The following FHOD3 variants were observed in gnomAD, a reference collection of about 807,000 sequenced individuals.
FHOD3 encodes formin homology 2 domain containing 3, also known as FH1/FH2 domain-containing protein 3.
A neutral mutation model predicts 173.0 loss-of-function variants in FHOD3; 90 were observed. That is an observed-to-expected ratio of 0.52 (90% CI 0.44 to 0.62). The LOEUF (loss-of-function observed/expected upper bound fraction) is 0.62. Ranked by LOEUF, FHOD3 falls within the 20% of genes least tolerant of loss-of-function variation. The pLI, the probability that FHOD3 is intolerant of heterozygous loss-of-function variation, is 0.00. For missense variants in FHOD3, 1,945 were observed against 2,034.7 expected, an observed-to-expected ratio of 0.96 and a Z score of 0.85; for synonymous variants, 828 against 823.0, an observed-to-expected ratio of 1.01 and a Z score of -0.10.
At position 36,728,365 on chromosome 18, in the gene FHOD3, A is replaced by T. The variant is rs945062280; in HGVS notation, c.3418-2281A>T. Among the ~76,000 whole-genome samples the T allele has an allele frequency of 3.9e-5, 6 of 152,180 alleles. No homozygotes were observed. The East Asian group carries it at 1.2e-3, about 29-fold the overall frequency. On this transcript the variant is annotated intron_variant, in intron 19 of 28. Transcript: ENST00000590592. ...TCATTCCTTTAGCATTCCACACACA[A>T]CATAAAATTAGATTTAAAAGTTAAA...
intron 2 of FHOD3, among the ~76,000 whole-genome samples, chr18:36,363,579 C>T (rs61341157): frequency 5.9e-5 from 9 of 151,934 alleles, no homozygotes; most frequent in African/African-American, 1.2e-4. Flanking sequence ...TATGACATTC[C>T]GAGAAAGGCA....
chr18:36,318,136 A>G (rs2044219693), intron 1 of FHOD3, among the ~76,000 whole-genome samples: 1 of 151,070 alleles, frequency 6.6e-6, no homozygotes, highest in Non-Finnish European at 1.5e-5. Context: ...GCCTTGTAGT[A>G]TAGTTTGAAG....
At chr18:36,419,480 A>G (rs1350704283) in intron 3 of FHOD3, among the ~76,000 whole-genome samples, 1 of 152,180 alleles carries the variant, frequency 6.6e-6, no homozygotes, top group African/African-American at 2.4e-5. Context: ...TTTAAATAAA[A>G]AGGCAGATGC....
chr18:36,569,445 A>G (rs1375075712), intron 5 of FHOD3, among the ~76,000 whole-genome samples: 1 of 152,188 alleles, frequency 6.6e-6, no homozygotes, highest in Admixed American at 6.5e-5. Flanking sequence ...TCATAAAGCA[A>G]AAACAGAACT....
intron 1 of FHOD3, among the ~76,000 whole-genome samples, chr18:36,335,358 G>A (rs911212700): frequency 5.3e-5 from 8 of 151,764 alleles, no homozygotes; most frequent in African/African-American, 1.7e-4. Context: ...AGCCGGGCGT[G>A]GTAGCGGGCG....
intron 3 of FHOD3, among the ~76,000 whole-genome samples, chr18:36,490,605 A>G (rs1040469610): frequency 3.9e-5 from 6 of 152,188 alleles, no homozygotes; most frequent in Non-Finnish European, 7.3e-5. Context: ...GCCTCCTGCA[A>G]TAAGTGGGGA....
At chr18:36,747,209 C>A (rs2042192610) in intron 24 of FHOD3, 74 bp downstream of exon 24, 2 of 1,227,676 alleles carry the variant, frequency 1.6e-6, no homozygotes, top group South Asian at 1.7e-5. Context: ...AAATTAAGAG[C>A]CGATGGTTAA....
intron 3 of FHOD3, among the ~76,000 whole-genome samples, chr18:36,446,526 C>G (rs559048601): frequency 4.9e-4 from 74 of 152,012 alleles, no homozygotes; most frequent in Non-Finnish European, 8.2e-4. Context: ...ATCCACATGT[C>G]CCAGATTGAA....
intron 19 of FHOD3, among the ~76,000 whole-genome samples, chr18:36,723,328 G>T (rs9963193): frequency 0.016 from 2,461 of 152,264 alleles, 56 homozygotes; most frequent in African/African-American, 0.056. Context: ...CTCAGCCTTT[G>T]CTTGGGCTTA....
chr18:36,746,869 G>C, intron 23 of FHOD3, 76 bp from the exon 24 acceptor site: 1 of 1,137,004 alleles, frequency 8.8e-7, no homozygotes, highest in Non-Finnish European at 1.2e-6. Flanking sequence ...TTTCTCCCCA[G>C]AGGCAGTTTT....
At chr18:36,425,284 A>C (rs1039836069) in intron 3 of FHOD3, among the ~76,000 whole-genome samples, 1 of 152,234 alleles carries the variant, frequency 6.6e-6, no homozygotes, top group African/African-American at 2.4e-5. Context: ...TATAGTATAC[A>C]TAGTATCCAA....
At chr18:36,453,708 G>A (rs943321535) in intron 3 of FHOD3, among the ~76,000 whole-genome samples, 6 of 152,200 alleles carry the variant, frequency 3.9e-5, no homozygotes, top group African/African-American at 1.4e-4. Flanking sequence ...TTTGAATGAG[G>A]CCAGAGGCTG....
intron 1 of FHOD3, among the ~76,000 whole-genome samples, chr18:36,354,392 CCTCATTTTACAGAGGA>C (rs1322199879): frequency 2.6e-5 from 4 of 152,258 alleles, no homozygotes; most frequent in African/African-American, 9.6e-5. Flanking sequence ...TTTACAGAGT[CCTCATTTTACAGAGGA>C]CTCATTTTAC....
intron 16 of FHOD3, among the ~76,000 whole-genome samples, chr18:36,687,543 A>C (rs1397940708): frequency 1.3e-5 from 2 of 152,186 alleles, no homozygotes; most frequent in Non-Finnish European, 2.9e-5. Flanking sequence ...TTTAGTATCC[A>C]CACTGTGCCA....
intron 3 of FHOD3, among the ~76,000 whole-genome samples, chr18:36,454,694 G>A (rs1568293650): frequency 6.6e-6 from 1 of 151,288 alleles, no homozygotes; most frequent in African/African-American, 2.4e-5. Context: ...TTAACCTGGA[G>A]CCCACCCCTG....
intron 3 of FHOD3, among the ~76,000 whole-genome samples, chr18:36,440,516 G>A (rs902886459): frequency 6.6e-6 from 1 of 152,214 alleles, no homozygotes; most frequent in Non-Finnish European, 1.5e-5. Flanking sequence ...AAATGAAGGG[G>A]CTCCTCCGGG....
chr18:36,645,327 C>T (rs1047336743), intron 10 of FHOD3, among the ~76,000 whole-genome samples: 6 of 152,010 alleles, frequency 3.9e-5, no homozygotes, highest in Admixed American at 1.3e-4. Context: ...GGCTGAGGCA[C>T]GAGAATCACT....
chr18:36,678,731 G>T lies in FHOD3; in HGVS notation c.1836-2705G>T, dbSNP rs1207082766. Among the ~76,000 whole-genome samples, 3 of 151,820 alleles carry T rather than the reference G, an allele frequency of 2.0e-5. No individual in the cohort carries two copies. The East Asian group carries it at 5.8e-4, about 29-fold the overall frequency. ...TTCTGCATTTGCAGAGGTAGCCATG[G>T]TTTTTCTCCAATAAACTATTAACGT... On this transcript the variant is annotated intron_variant, in intron 14 of 28. Coordinates refer to ENST00000590592, the MANE Select transcript of FHOD3 (RefSeq NM_001281740.3).
Position 36,333,544 on chromosome 18 carries a change from A to G in FHOD3, c.166-21995A>G, listed in dbSNP as rs770180006. The stretch of plus-strand genomic sequence containing the variant: ...GGATCTAACGTGAGCTGTCATGGCC[A>G]TTTCCAGATGTGAACAGTCCACCAC... On this transcript the variant is annotated intron_variant, in intron 1 of 28. Coordinates refer to ENST00000590592, the MANE Select transcript of FHOD3 (RefSeq NM_001281740.3). Among the ~76,000 whole-genome samples the G allele has an allele frequency of 5.7e-4, 87 of 152,188 alleles. 1 individual carries two copies. Among genetic ancestry groups the G allele is most frequent in the Admixed American group, 7.8e-4 (12 of 15,290 alleles).
Sources: allele counts gnomAD v4.1 joint callset (sites outside exome capture counted in the v4.1 genomes callset), GRCh38; gene constraint gnomAD v4.1.1; transcripts MANE v1.5; gene names NCBI Gene and HGNC (gene_info 2026-07-23, HGNC 2026-07-21).